Variants in C12orf50 observed in about 807,000 individuals in gnomAD.
The protein encoded by C12orf50 is uncharacterized protein C12orf50.
Under a neutral mutation model 61.6 loss-of-function variants are expected in C12orf50, and 35 were observed. The observed-to-expected ratio is 0.57, with a 90% CI of 0.43 to 0.75. C12orf50 has a LOEUF of 0.75. C12orf50 is among the 30% of genes least tolerant of loss of function. The pLI is 0.00. For missense variants in C12orf50, 475 were observed against 488.5 expected (o/e 0.97, Z 0.26); for synonymous variants, 178 against 161.5 (o/e 1.10, Z -0.77).
At chr12:87,999,822 C>T (rs2031575723) in intron 3 of C12orf50, among the ~76,000 whole-genome samples, 1 of 152,096 alleles carries the variant, frequency 6.6e-6, no homozygotes, top group East Asian at 1.9e-4. Context: ...GTGGCATATC[C>T]ATAGAATGGA....
At position 88,026,872 on chromosome 12, in the gene C12orf50, A is replaced by G. The variant is rs947713708; in HGVS notation, c.12+79T>C. ...TAGAAGGAAGAATGATTTCTTCCAT[A>G]TTGTTTTGAAAAAGTATAATTCAGC... On this transcript the variant is annotated intron_variant, in intron 2 of 12. Transcript: ENST00000298699. 10 of 1,532,136 alleles carry G rather than the reference A, an allele frequency of 6.5e-6. No individual in the cohort carries two copies. In the African/African-American group the frequency reaches 1.4e-4, roughly 21 times the overall value. The allele number at this position is 1,532,136 out of a possible 1,614,324, so 94.9% of individuals were successfully genotyped here.
chr12:88,007,760 AT>A (rs1383136417), intron 3 of C12orf50, among the ~76,000 whole-genome samples: 1 of 152,150 alleles, frequency 6.6e-6, no homozygotes, highest in Non-Finnish European at 1.5e-5. Flanking sequence ...AATTCACCTA[AT>A]GAAGAGGTAA....
intron 3 of C12orf50, among the ~76,000 whole-genome samples, chr12:88,025,142 A>G (rs1422220605): frequency 2.0e-5 from 3 of 152,222 alleles, no homozygotes; most frequent in East Asian, 1.9e-4. Context: ...GATAGAAATG[A>G]TTCAGTAAGA....
At chr12:88,005,526 CCA>C (rs567029390) in intron 3 of C12orf50, among the ~76,000 whole-genome samples, 6 of 152,330 alleles carry the variant, frequency 3.9e-5, no homozygotes, top group Admixed American at 2.0e-4. Context: ...ATAAATTGCT[CCA>C]CAGTTTAACC....
intron 3 of C12orf50, among the ~76,000 whole-genome samples, chr12:88,013,991 C>T (rs1285812518): frequency 6.6e-6 from 1 of 151,986 alleles, no homozygotes. Flanking sequence ...TCAGAAAAGA[C>T]AGGGAAATAT....
At chr12:88,020,693 A>G (rs963969019) in intron 3 of C12orf50, among the ~76,000 whole-genome samples, 5 of 152,162 alleles carry the variant, frequency 3.3e-5, no homozygotes, top group African/African-American at 1.2e-4. Context: ...GATTTAATAA[A>G]CATCTACAGA....
chr12:88,006,855 G>T (rs1226530896), intron 3 of C12orf50, among the ~76,000 whole-genome samples: 1 of 152,206 alleles, frequency 6.6e-6, no homozygotes. Context: ...TCAGAGTAGA[G>T]CTTCTGTCAC....
intron 3 of C12orf50, among the ~76,000 whole-genome samples, chr12:88,016,848 G>A (rs546490912): frequency 9.2e-5 from 14 of 152,262 alleles, no homozygotes; most frequent in Admixed American, 4.6e-4. Flanking sequence ...GAAATCATAG[G>A]GAGTATGGCA....
At chr12:88,020,651 T>G (rs2032481139) in intron 3 of C12orf50, among the ~76,000 whole-genome samples, 1 of 151,974 alleles carries the variant, frequency 6.6e-6, no homozygotes, top group African/African-American at 2.4e-5. Context: ...AGCAAAGATA[T>G]TAAGGACCTA....
At chr12:88,008,786 A>G (rs2031988264) in intron 3 of C12orf50, among the ~76,000 whole-genome samples, 1 of 152,176 alleles carries the variant, frequency 6.6e-6, no homozygotes, top group African/African-American at 2.4e-5. Flanking sequence ...TACCCACAAT[A>G]GGTATCTTCA....
At chr12:88,005,023 G>A (rs1348051222) in intron 3 of C12orf50, among the ~76,000 whole-genome samples, 1 of 151,838 alleles carries the variant, frequency 6.6e-6, no homozygotes, top group Admixed American at 6.6e-5. Flanking sequence ...AAACAAACCT[G>A]TACCCCTGAA....
In C12orf50 at chr12:88,028,775, G is replaced by A. The variant is rs189000361; in HGVS notation, c.-109+565C>T. 2.6e-4 allele frequency among the ~76,000 whole-genome samples: 39 copies of A among 152,194 alleles called. 1 individual carries two copies. Among genetic ancestry groups the A allele is most frequent in the African/African-American group, 9.4e-4 (39 of 41,544 alleles). On this transcript the variant is annotated intron_variant, in intron 1 of 12. Coordinates refer to ENST00000298699, the MANE Select transcript of C12orf50 (RefSeq NM_152589.3). ...TATTAGGAATTTAATGTCTCAAGGT[G>A]TCATAATATAGGCAAAAGTGCCACA...
rs1201843837 is a variant in C12orf50 at position 88,027,017 on chromosome 12, C to T, written c.-55G>A. ...ATTTCCTCTCTCTCCATAATGAGCA[C>T]ACAGTGTCACTGCCAAGGGCCTCTT... On this transcript the variant is annotated 5_prime_UTR_variant, in exon 2 of 13. It adds an upstream start codon to the 5' untranslated region. Transcript: ENST00000298699. 1.2e-6 allele frequency: 2 copies of T among 1,613,804 alleles called. No homozygotes were observed. The highest frequency in any genetic ancestry group is 2.7e-5 in the African/African-American group (2 of 74,918).
intron 3 of C12orf50, among the ~76,000 whole-genome samples, chr12:88,002,851 G>A (rs1294920638): frequency 6.6e-6 from 1 of 150,878 alleles, no homozygotes; most frequent in Non-Finnish European, 1.5e-5. Flanking sequence ...ATTTTCTTAG[G>A]TTGCTCTATG....
chr12:87,984,956 C>G (rs1031602676), intron 11 of C12orf50: 1 of 151,872 alleles, frequency 6.6e-6, no homozygotes, highest in African/African-American at 2.4e-5. Context: ...TCCTTATTTA[C>G]AAATACACAT....
At chr12:87,991,988 T>A (rs913810085) in intron 7 of C12orf50, among the ~76,000 whole-genome samples, 3 of 152,160 alleles carry the variant, frequency 2.0e-5, no homozygotes, top group Admixed American at 6.6e-5. Flanking sequence ...GGTCTAACAA[T>A]GGCAGTGCTC....
chr12:88,023,733 A>ACATGACAAAGATTT (rs1386360041), intron 3 of C12orf50, among the ~76,000 whole-genome samples: 1 of 151,976 alleles, frequency 6.6e-6, no homozygotes, highest in African/African-American at 2.4e-5. Flanking sequence ...TGGATATAGG[A>ACATGACAAAGATTT]CATGACAAAG....
At chr12:87,985,687 A>G (rs1230379943) in intron 11 of C12orf50, 163 bp downstream of exon 11, 6 of 682,564 alleles carry the variant, frequency 8.8e-6, no homozygotes, top group Admixed American at 2.7e-5. Flanking sequence ...AATCATGTGC[A>G]GGACTGCACA....
At chr12:88,015,069 T>C (rs2032261465) in intron 3 of C12orf50, among the ~76,000 whole-genome samples, 1 of 152,110 alleles carries the variant, frequency 6.6e-6, no homozygotes, top group South Asian at 2.1e-4. Flanking sequence ...ATAAAGAATC[T>C]GCCATCCAAC....
Sources: gnomAD v4.1 joint callset for allele counts (sites outside exome capture counted in the v4.1 genomes callset) on GRCh38, gnomAD v4.1.1 for gene constraint, MANE v1.5 for transcripts, NCBI Gene and HGNC (gene_info 2026-07-23, HGNC 2026-07-21) for gene names.